MYH14: variants seen among roughly 807,000 people sequenced by gnomAD.
The protein encoded by MYH14 is myosin heavy chain 14, also known as myosin-14.
A neutral mutation model predicts 255.5 loss-of-function variants in MYH14; 123 were observed. That is an observed-to-expected ratio of 0.48 (90% confidence interval 0.42 to 0.56). The LOEUF is 0.56. Among genes scored for constraint, MYH14 ranks in the 20% least tolerant of loss-of-function variants. The probability of loss-of-function intolerance (pLI) is 0.00; values close to 1 mark genes in which losing one functional copy is unlikely to be tolerated. For synonymous variants in MYH14, 1,095 were observed against 1,161.2 expected, an observed-to-expected ratio of 0.94 and a Z score of 1.16; for missense variants, 2,423 against 2,802.3, an observed-to-expected ratio of 0.86 and a Z score of 3.06.
intron 16 of MYH14, among the ~76,000 whole-genome samples, chr19:50,253,886 T>C (rs1329772281): frequency 6.6e-6 from 1 of 152,146 alleles, no homozygotes; most frequent in South Asian, 2.1e-4. Flanking sequence ...CATGAAAAGG[T>C]AGCTGTAGAA....
intron 8 of MYH14, among the ~76,000 whole-genome samples, chr19:50,228,429 C>A (rs1026064532): frequency 6.6e-6 from 1 of 152,178 alleles, no homozygotes; most frequent in Non-Finnish European, 1.5e-5. Flanking sequence ...TAAGCTCACG[C>A]TCTTCCATAA....
Position 50,232,007 on chromosome 19 carries a change from G to T in MYH14, c.1051G>T (p.Glu351Ter). ...GTCATCCTCTCCCGGCCAGGAGCGGGAACTCTTCCAGGAGACGCTGGAGTC... is the reference window on the plus strand; with the variant it reads ...GTCATCCTCTCCCGGCCAGGAGCGGTAACTCTTCCAGGAGACGCTGGAGTC... ...GPSSSPGQER[E>*]LFQETLESLR... The change falls in exon 10 of 43, where the codon GAA (glutamate) becomes TAA (stop). Residue 351 changes from glutamate to a stop codon, truncating the protein, a stop_gained. Transcript: ENST00000642316. LOFTEE classifies it high-confidence loss of function. The T allele has an allele frequency of 6.2e-7, 1 of 1,613,770 alleles. No individual in the cohort carries two copies. The highest frequency in any genetic ancestry group is 8.5e-7 in the Non-Finnish European group (1 of 1,179,898).
chr19:50,306,067 T>A (rs955085118), intron 40 of MYH14, among the ~76,000 whole-genome samples: 1 of 152,008 alleles, frequency 6.6e-6, no homozygotes, highest in South Asian at 2.1e-4. Context: ...TCATCTGAGG[T>A]TGGGAGTTCG....
intron 2 of MYH14, among the ~76,000 whole-genome samples, chr19:50,214,269 A>G (rs953360269): frequency 5.3e-5 from 8 of 152,206 alleles, no homozygotes; most frequent in African/African-American, 9.6e-5. Flanking sequence ...ACCTGGCCTG[A>G]AAATGTTACA....
chr19:50,263,539 CCA>C (rs943326093), intron 22 of MYH14, 119 bp downstream of exon 22: 10 of 573,414 alleles, frequency 1.7e-5, no homozygotes, highest in African/African-American at 1.7e-4. Context: ...TAAAATGGGG[CCA>C]GTCGGCCCAG....
chr19:50,296,879 T>TA (rs34609254), intron 39 of MYH14, among the ~76,000 whole-genome samples: 101,272 of 152,122 alleles, frequency 0.67, 36,054 homozygotes, highest in East Asian at 0.99. Context: ...AGCAACGTTT[T>TA]AAAAAAATAT....
chr19:50,231,819 C>T (rs1780900698), intron 9 of MYH14, 111 bp from the exon 10 acceptor site: 1 of 1,466,792 alleles, frequency 6.8e-7, no homozygotes, highest in East Asian at 2.3e-5. Flanking sequence ...AAGGCCCCCA[C>T]CCACTTGACA....
At chr19:50,237,625 G>T (rs2033718663) in intron 10 of MYH14, among the ~76,000 whole-genome samples, 1 of 152,168 alleles carries the variant, frequency 6.6e-6, no homozygotes, top group Admixed American at 6.5e-5. Context: ...ACCGCACCCG[G>T]CCATGAGCAT....
rs1219803923 is a variant in MYH14, at chr19:50,281,776, C to T, written c.4473C>T (p.Thr1491=). The T allele has an allele frequency of 6.2e-7, 1 of 1,612,684 alleles. No individual in the cohort carries two copies. Among genetic ancestry groups the T allele is most frequent in the Non-Finnish European group, 8.5e-7 (1 of 1,179,794 alleles). ...RRLQQELDDA[T]MDLEQQRQLV... ...TGCAGCAGGAGCTGGACGACGCCAC[C>T]ATGGACCTGGAGCAGCAGCGGCAGC... The change falls in exon 33 of 43, where the codon ACC becomes ACT. Residue 1491 remains threonine, a synonymous_variant. Coordinates refer to ENST00000642316, the MANE Select transcript of MYH14 (RefSeq NM_001145809.2).
Position 50,280,506 on chromosome 19 carries a change from T to G in MYH14, c.4290+123T>G. ...CATAGGCCAGACCCATGGGTGCCTT[T>G]CTCATCTCTGACTCCCCCTTACCCC... On this transcript the variant is annotated intron_variant, in intron 32 of 42. Transcript: ENST00000642316. The surrounding 1 kb of genome is among the most constrained non-coding windows in gnomAD (Gnocchi z 4.8). 1 of 1,080,298 alleles carries G rather than the reference T, an allele frequency of 9.3e-7. No individual in the cohort carries two copies. 66.9% of individuals were successfully genotyped at this position (1,080,298 alleles called of 1,614,324 possible).
intron 11 of MYH14, among the ~76,000 whole-genome samples, chr19:50,246,080 T>C (rs555196063): frequency 7.3e-5 from 9 of 122,944 alleles, no homozygotes; most frequent in Admixed American, 4.5e-4. Context: ...TCTACTGGGA[T>C]TCCCCCCCTC....
Position 50,310,192 on chromosome 19 carries a change from TCC to T in MYH14, c.*404_*405del, listed in dbSNP as rs2036813591. 2.6e-5 allele frequency: 7 copies of T among 265,344 alleles called. No individual in the cohort carries two copies. Among genetic ancestry groups the T allele is most frequent in the Non-Finnish European group, 3.6e-5 (5 of 139,606 alleles). The allele number at this position is 265,344 out of a possible 1,614,324, so 16.4% of individuals were successfully genotyped here. ...CTGCTTCTCTCTCTCTCTCTCTCTCTCCCTCCCTCTCCTTCCCTACCCTCTCA... is the reference window on the plus strand; with the variant it reads ...CTGCTTCTCTCTCTCTCTCTCTCTCTCTCCCTCTCCTTCCCTACCCTCTCA... On this transcript the variant is annotated 3_prime_UTR_variant, in exon 43 of 43. Coordinates refer to ENST00000642316, the MANE Select transcript of MYH14 (RefSeq NM_001145809.2).
chr19:50,226,763 G>A, intron 7 of MYH14, 140 bp from the exon 8 acceptor site: 1 of 755,868 alleles, frequency 1.3e-6, no homozygotes, highest in Non-Finnish European at 2.3e-6. Context: ...ACCACAGGAT[G>A]GGGTTCAGGT....
intron 11 of MYH14, 63 bp downstream of exon 11, chr19:50,244,400 C>T (rs950870416): frequency 1.5e-6 from 2 of 1,308,626 alleles, no homozygotes; most frequent in African/African-American, 1.5e-5. Flanking sequence ...CCCAGCCCTC[C>T]TGCACCCCTG....
Position 50,281,852 on chromosome 19 carries a change from C to T in MYH14, c.4539+10C>T, listed in dbSNP as rs561531825. On this transcript the variant is annotated intron_variant, in intron 33 of 42. Coordinates refer to ENST00000642316, the MANE Select transcript of MYH14 (RefSeq NM_001145809.2). ...GCGCAAGTTTGACCAGGTGGGGCAC[C>T]TCAGTTCACCCAGCCGGGGAATCAG... 78 of 1,605,864 alleles carry T rather than the reference C, an allele frequency of 4.9e-5. No individual in the cohort carries two copies. The East Asian group carries it at 5.8e-4, about 12-fold the overall frequency.
At chr19:50,305,617 G>A (rs1466460959) in intron 40 of MYH14, among the ~76,000 whole-genome samples, 1 of 152,054 alleles carries the variant, frequency 6.6e-6, no homozygotes, top group Non-Finnish European at 1.5e-5. Context: ...GGTTCCGAGG[G>A]AGTAGATGAG....
At chr19:50,231,754 C>T (rs190955569) in intron 9 of MYH14, among the ~76,000 whole-genome samples, 176 bp from the exon 10 acceptor site, 2 of 150,276 alleles carry the variant, frequency 1.3e-5, no homozygotes, top group African/African-American at 4.9e-5. Flanking sequence ...GTGGTGGTCT[C>T]ATAGGTGCTA....
chr19:50,214,190 G>A (rs540881228), intron 2 of MYH14, among the ~76,000 whole-genome samples: 34 of 152,282 alleles, frequency 2.2e-4, no homozygotes, highest in Non-Finnish European at 4.3e-4. Flanking sequence ...GGCACCTTAT[G>A]TAGGAAGCAC....
At chr19:50,236,023 A>G (rs1448261011) in intron 10 of MYH14, among the ~76,000 whole-genome samples, 2 of 82,318 alleles carry the variant, frequency 2.4e-5, no homozygotes, top group East Asian at 3.5e-4. Context: ...TTCCATTACT[A>G]TTGGAACAAT....
Sources: gnomAD v4.1 joint callset for allele counts (sites outside exome capture counted in the v4.1 genomes callset) on GRCh38, gnomAD v4.1.1 for gene constraint, Gnocchi (gnomAD v3.1) non-coding constraint, MANE v1.5 for transcripts, NCBI Gene and HGNC (gene_info 2026-07-23, HGNC 2026-07-21) for gene names.